RHBG: variants seen among roughly 807,000 people sequenced by gnomAD.
RHBG encodes ammonium transporter Rh type B.
In RHBG, 39 loss-of-function variants were observed where a neutral mutation model predicts 40.1. The observed-to-expected ratio is 0.97, with a 90% CI of 0.75 to 1.27. The LOEUF is 1.27. Ranked by LOEUF, RHBG falls within the 50% of genes most tolerant of loss-of-function variation. The pLI, the probability that RHBG is intolerant of heterozygous loss-of-function variation, is 0.00. For missense variants in RHBG, 549 were observed against 588.1 expected (o/e 0.93, Z 0.69); for synonymous variants, 237 against 252.5 (o/e 0.94, Z 0.58).
chr1:156,374,897 C>CT (rs913409775), intron 1 of RHBG, among the ~76,000 whole-genome samples: 1 of 151,742 alleles, frequency 6.6e-6, no homozygotes, highest in African/African-American at 2.4e-5. Flanking sequence ...GAATTCCATT[C>CT]TTTTTTTATG....
At position 156,377,160 on chromosome 1, in the gene RHBG, A is replaced by G; in HGVS notation, c.188-141A>G. The G allele has an allele frequency of 1.1e-6, 1 of 922,922 alleles. No individual in the cohort carries two copies. The highest frequency in any genetic ancestry group is 1.7e-6 in the Non-Finnish European group (1 of 598,716). The allele number at this position is 922,922 out of a possible 1,614,324, so 57.2% of individuals were successfully genotyped here. ...GGTGGCTCAGGGCTGGGAGCCCCTG[A>G]CATGCCTGGGGAGTTTTATAGGCTC... On this transcript the variant is annotated intron_variant, in intron 1 of 9. Coordinates refer to ENST00000537040, the MANE Select transcript of RHBG (RefSeq NM_020407.5). The surrounding 1 kb of genome is among the most constrained non-coding windows in gnomAD (Gnocchi z 4.6).
chr1:156,370,392 T>G (rs1666754871), intron 1 of RHBG, among the ~76,000 whole-genome samples: 1 of 150,454 alleles, frequency 6.6e-6, no homozygotes, highest in Non-Finnish European at 1.5e-5. Context: ...GAGGTTGTAG[T>G]GAGTCAGGAT....
intron 1 of RHBG, among the ~76,000 whole-genome samples, chr1:156,372,492 A>G (rs1331476309): frequency 6.6e-6 from 1 of 152,202 alleles, no homozygotes; most frequent in East Asian, 1.9e-4. Context: ...CATCTCATAG[A>G]CCTTACTTGC....
In RHBG at chr1:156,381,364, A is replaced by G. The variant is rs1254958010; in HGVS notation, c.691A>G (p.Ile231Val). 5.0e-6 allele frequency: 8 copies of G among 1,614,044 alleles called. No individual in the cohort carries two copies. In the South Asian group the frequency reaches 6.6e-5, roughly 13 times the overall value. Residue 231 changes from isoleucine (I) to valine (V), a missense_variant, in exon 5 of 10, where the codon ATC becomes GTC. Ile to Val is a conservative substitution (Grantham distance 29). This residue lies in a region of RHBG where 399 missense variants were observed against 417.0 expected (regional missense o/e 0.96). Coordinates refer to ENST00000537040, the MANE Select transcript of RHBG (RefSeq NM_020407.5). ...FAMIGTIFLWIFWPSFNAALT... is the reference protein window; with the variant it reads ...FAMIGTIFLWVFWPSFNAALT... ...CCATCTAGGGACCATCTTCCTGTGG[A>G]TCTTCTGGCCTAGCTTCAATGCTGC...
chr1:156,377,416 G>GC lies in RHBG; in HGVS notation c.304dup (p.Gln102ProfsTer29). ...CCTTCCTCCTGGCCGCCTTTGCCCT[G>GC]CAGTGGTCCACACTGGTCCAGGGCT... On this transcript the variant is annotated frameshift_variant, in exon 2 of 10. Transcript: ENST00000537040. LOFTEE classifies it high-confidence loss of function. The surrounding 1 kb of genome is among the most constrained non-coding windows in gnomAD (Gnocchi z 4.6). 6.2e-7 allele frequency: 1 copy of GC among 1,614,208 alleles called. No individual in the cohort carries two copies. The highest frequency in any genetic ancestry group is 8.5e-7 in the Non-Finnish European group (1 of 1,180,034).
At position 156,378,014 on chromosome 1, in the gene RHBG, G is replaced by A. The variant is rs755839671; in HGVS notation, c.399G>A (p.Ala133=). 7.7e-6 allele frequency: 12 copies of A among 1,554,432 alleles called. No individual in the cohort carries two copies. The highest frequency in any genetic ancestry group is 6.8e-5 in the East Asian group (3 of 44,202). ...VESMINADFC[A]GAVLISFGAV... ...GCATGATCAATGCTGACTTTTGTGC[G>A]GGGGCCGTGCTCATCTCCTTTGGTG... Residue 133 remains alanine (A), a synonymous_variant, in exon 3 of 10, where the codon GCG becomes GCA. Transcript: ENST00000537040.
At position 156,377,427 on chromosome 1, in the gene RHBG, C is replaced by T; in HGVS notation, c.314C>T (p.Thr105Ile). Residue 105 changes from threonine (T) to isoleucine (I), a missense_variant, in exon 2 of 10, where the codon ACA (threonine) becomes ATA (isoleucine). This residue lies in a region of RHBG where 51 missense variants were observed against 85.9 expected (regional missense o/e 0.59). Transcript: ENST00000537040. This position sits in a 1 kb window ranked among gnomAD's most constrained non-coding sequence, Gnocchi z 4.6. ...GCCGCCTTTGCCCTGCAGTGGTCCACACTGGTCCAGGGCTTTCTCCACTCC... is the reference window on the plus strand; with the variant it reads ...GCCGCCTTTGCCCTGCAGTGGTCCATACTGGTCCAGGGCTTTCTCCACTCC... ...LLAAFALQWS[T>I]LVQGFLHSFH... 1 of 1,614,180 alleles carries T rather than the reference C, an allele frequency of 6.2e-7. No homozygotes were observed. Among genetic ancestry groups the T allele is most frequent in the Non-Finnish European group, 8.5e-7 (1 of 1,180,002 alleles).
chr1:156,381,357 C>A lies in RHBG; in HGVS notation c.684C>A (p.Phe228Leu), dbSNP rs1667619293. ...SDLFAMIGTIFLWIFWPSFNA... is the reference protein window; with the variant it reads ...SDLFAMIGTILLWIFWPSFNA... ...CTGTCCACCATCTAGGGACCATCTT[C>A]CTGTGGATCTTCTGGCCTAGCTTCA... Residue 228 changes from phenylalanine to leucine, a missense_variant, in exon 5 of 10, where the codon TTC becomes TTA. Coordinates refer to ENST00000537040, the MANE Select transcript of RHBG (RefSeq NM_020407.5). The A allele has an allele frequency of 6.2e-7, 1 of 1,614,136 alleles. No individual in the cohort carries two copies. Among genetic ancestry groups the A allele is most frequent in the South Asian group, 1.1e-5 (1 of 91,090 alleles).
intron 8 of RHBG, among the ~76,000 whole-genome samples, chr1:156,383,625 G>A (rs189549636): frequency 2.2e-4 from 33 of 151,866 alleles, no homozygotes; most frequent in Non-Finnish European, 3.8e-4. Context: ...TTGATTGCAT[G>A]TTAACGTCTG....
At chr1:156,373,769 C>T (rs1366179095) in intron 1 of RHBG, among the ~76,000 whole-genome samples, 1 of 152,210 alleles carries the variant, frequency 6.6e-6, no homozygotes, top group Non-Finnish European at 1.5e-5. Flanking sequence ...GGACCCAACA[C>T]CCTTCCTTAT....
intron 4 of RHBG, among the ~76,000 whole-genome samples, chr1:156,380,801 C>T (rs1214431244): frequency 6.6e-6 from 1 of 151,818 alleles, no homozygotes; most frequent in African/African-American, 2.4e-5. Context: ...GGCCAGTGCC[C>T]TTCAATAGCT....
Position 156,377,673 on chromosome 1 carries a change from T to C in RHBG, c.374+186T>C, listed in dbSNP as rs1463939346. Among the ~76,000 whole-genome samples the C allele has an allele frequency of 6.6e-6, 1 of 152,176 alleles. No homozygotes were observed. The highest frequency in any genetic ancestry group is 1.5e-5 in the Non-Finnish European group (1 of 68,022). Reference sequence around the variant, plus strand: ...CCTCTCCCATCCTTGACCCTCACACTCAGCTCCACCTCCTCAGTCTTTAGG... The same window carrying C: ...CCTCTCCCATCCTTGACCCTCACACCCAGCTCCACCTCCTCAGTCTTTAGG... On this transcript the variant is annotated intron_variant, in intron 2 of 9. Transcript: ENST00000537040. This position sits in a 1 kb window ranked among gnomAD's most constrained non-coding sequence, Gnocchi z 4.6.
At chr1:156,369,760 G>A (rs1228955182) in intron 1 of RHBG, among the ~76,000 whole-genome samples, 1 of 152,182 alleles carries the variant, frequency 6.6e-6, no homozygotes, top group Non-Finnish European at 1.5e-5. Context: ...TAGAGCCCCA[G>A]CTTTAACCAT....
At chr1:156,374,571 C>T (rs948367599) in intron 1 of RHBG, 4 of 438,304 alleles carry the variant, frequency 9.1e-6, no homozygotes, top group African/African-American at 4.2e-5. Context: ...CATGTTGCCA[C>T]GAATGACAGG....
intron 1 of RHBG, among the ~76,000 whole-genome samples, chr1:156,376,683 A>T (rs1667226068): frequency 6.6e-6 from 1 of 152,180 alleles, no homozygotes; most frequent in African/African-American, 2.4e-5. Flanking sequence ...TTTTTAAAAA[A>T]ATAACCGGGC....
Position 156,384,575 on chromosome 1 carries a change from A to C in RHBG, c.1283A>C (p.His428Pro). 1.9e-6 allele frequency: 3 copies of C among 1,591,900 alleles called. No individual in the cohort carries two copies. Among genetic ancestry groups the C allele is most frequent in the Non-Finnish European group, 2.6e-6 (3 of 1,167,284 alleles). The stretch of plus-strand genomic sequence containing the variant: ...CTGGACTCCCCCCCAGACTCCCAGC[A>C]CTACGAGGACCAAGTTCACTGGCAG... ...PFLDSPPDSQ[H>P]YEDQVHWQVP... The change falls in exon 9 of 10, where the codon CAC (histidine) becomes CCC (proline). Residue 428 changes from histidine to proline, a missense_variant. Transcript: ENST00000537040.
chr1:156,374,796 G>A (rs1413866081), intron 1 of RHBG: 2 of 292,684 alleles, frequency 6.8e-6, no homozygotes, highest in Non-Finnish European at 6.7e-6. Flanking sequence ...ATGTTGGTCA[G>A]GCTGGTCTTG....
At chr1:156,384,242 A>T (rs1190172761) in intron 8 of RHBG, among the ~76,000 whole-genome samples, 1 of 152,188 alleles carries the variant, frequency 6.6e-6, no homozygotes, top group Non-Finnish European at 1.5e-5. Context: ...CACACACTTG[A>T]GCAAATTATT....
At chr1:156,375,870 G>A (rs1667157123) in intron 1 of RHBG, among the ~76,000 whole-genome samples, 1 of 151,752 alleles carries the variant, frequency 6.6e-6, no homozygotes, top group Non-Finnish European at 1.5e-5. Context: ...CTCCCGAGTA[G>A]CTGGGACTAC....
Sources: gnomAD v4.1 joint callset for allele counts (sites outside exome capture counted in the v4.1 genomes callset) on GRCh38, gnomAD v4.1.1 for gene constraint, gnomAD v4.1.1 regional missense constraint, Gnocchi (gnomAD v3.1) non-coding constraint, MANE v1.5 for transcripts, NCBI Gene and HGNC (gene_info 2026-07-23, HGNC 2026-07-21) for gene names.